Variants in ICA1L observed in about 807,000 individuals in gnomAD.
ICA1L encodes islet cell autoantigen 1-like protein.
A neutral mutation model predicts 61.3 loss-of-function variants in ICA1L; 50 were observed. The observed-to-expected ratio is 0.82, with a 90% confidence interval of 0.65 to 1.03. The LOEUF (loss-of-function observed/expected upper bound fraction) is 1.03. ICA1L is among the 50% of genes least tolerant of loss of function. The pLI is 0.00. For synonymous variants in ICA1L, 161 were observed against 191.3 expected, an observed-to-expected ratio of 0.84 and a Z score of 1.31; for missense variants, 508 against 556.7, an observed-to-expected ratio of 0.91 and a Z score of 0.88.
At chr2:202,850,464 AAC>A in intron 1 of ICA1L, among the ~76,000 whole-genome samples, 1 of 152,324 alleles carries the variant, frequency 6.6e-6, no homozygotes, top group East Asian at 1.9e-4. Flanking sequence ...GGAGCTGAAA[AAC>A]ACAGCAAGAG....
chr2:202,786,155 A>G (rs530309476), intron 11 of ICA1L, 148 bp from the exon 12 acceptor site: 5 of 514,216 alleles, frequency 9.7e-6, no homozygotes, highest in African/African-American at 7.8e-5. Context: ...AAATTTATCT[A>G]TAGTCATATA....
intron 10 of ICA1L, 27 bp from the exon 11 acceptor site, chr2:202,789,114 G>A: frequency 6.4e-7 from 1 of 1,570,098 alleles, no homozygotes; most frequent in Non-Finnish European, 8.6e-7. Context: ...AAAACAGAAA[G>A]GCTTTTTTGA....
At chr2:202,848,471 G>A (rs1229260368) in intron 1 of ICA1L, among the ~76,000 whole-genome samples, 1 of 152,164 alleles carries the variant, frequency 6.6e-6, no homozygotes, top group Non-Finnish European at 1.5e-5. Context: ...TCAATTCAGA[G>A]ATCTGAGCTG....
intron 1 of ICA1L, among the ~76,000 whole-genome samples, chr2:202,859,484 A>G (rs946532634): frequency 6.6e-6 from 1 of 152,234 alleles, no homozygotes; most frequent in African/African-American, 2.4e-5. Context: ...TCTGGGTGCT[A>G]TGATTGGCAC....
chr2:202,812,563 C>T (rs1046475699), intron 8 of ICA1L, among the ~76,000 whole-genome samples: 2 of 151,026 alleles, frequency 1.3e-5, no homozygotes, highest in Admixed American at 1.3e-4. Flanking sequence ...GGTGACAGGG[C>T]AAGACTCCGT....
rs778355110 is a variant in ICA1L at position 202,862,272 on chromosome 2, CA to C, written c.-8+9346del. Among the ~76,000 whole-genome samples, 561 of 62,952 alleles carry C rather than the reference CA, an allele frequency of 8.9e-3. 70 individuals are homozygous for C. The highest frequency in any genetic ancestry group is 0.044 in the African/African-American group (526 of 12,046). 41.3% of individuals were successfully genotyped at this position (62,952 alleles called of 152,430 possible). On this transcript the variant is annotated intron_variant, in intron 1 of 12. Transcript: ENST00000358299. ...GCAACACAGTAAGACCTCATTTCTA[CA>C]AAAAAAAAAAAAAAAAAAAAAAAAA...
intron 1 of ICA1L, chr2:202,840,794 G>C (rs1397383896): frequency 1.2e-5 from 7 of 602,906 alleles, no homozygotes; most frequent in South Asian, 1.1e-4. Flanking sequence ...AGCCTCCAGG[G>C]AAACTCTCTG....
In ICA1L at chr2:202,871,727, G is replaced by GCAGCCAGTGCCCCTCCGC. The variant is rs1687740556; in HGVS notation, c.-134_-117dup. ...CCCCGCGCCGACTCCCGGCCCTCCG[G>GCAGCCAGTGCCCCTCCGC]CAGCCAGTGCCCCTCCGCACCAGTG... On this transcript the variant is annotated 5_prime_UTR_variant, in exon 1 of 13. Transcript: ENST00000358299. The GCAGCCAGTGCCCCTCCGC allele has an allele frequency of 6.6e-6, 1 of 152,622 alleles. No homozygotes were observed. Among genetic ancestry groups the GCAGCCAGTGCCCCTCCGC allele is most frequent in the African/African-American group, 2.4e-5 (1 of 41,458 alleles). 9.5% of individuals were successfully genotyped at this position (152,622 alleles called of 1,614,324 possible). A position where few individuals can be genotyped will look rare whatever the true frequency, so the allele number is the denominator to read the frequency against.
rs1483558179 is a variant in ICA1L at position 202,774,007 on chromosome 2, A to G, written c.*5526T>C. 1.7e-5 allele frequency: 15 copies of G among 891,810 alleles called. No homozygotes were observed. Among genetic ancestry groups the G allele is most frequent in the Non-Finnish European group, 2.6e-5 (15 of 579,606 alleles). The allele number at this position is 891,810 out of a possible 1,614,324, so 55.2% of individuals were successfully genotyped here. ...GGTACTAAGAAGAGTTGGCTGTTTTATTTTTTTAAATTATGAACTAGCGCT... is the reference window on the plus strand; with the variant it reads ...GGTACTAAGAAGAGTTGGCTGTTTTGTTTTTTTAAATTATGAACTAGCGCT... On this transcript the variant is annotated 3_prime_UTR_variant, in exon 13 of 13. Transcript: ENST00000358299.
At chr2:202,789,153 A>G (rs1220402096) in intron 10 of ICA1L, 66 bp from the exon 11 acceptor site, 1 of 1,292,220 alleles carries the variant, frequency 7.7e-7, no homozygotes, top group Non-Finnish European at 1.1e-6. Flanking sequence ...AGACCATAGG[A>G]TGAATCAAAT....
chr2:202,819,768 A>G lies in ICA1L; in HGVS notation c.491T>C (p.Leu164Pro), dbSNP rs752099498. The G allele has an allele frequency of 1.2e-6, 2 of 1,614,128 alleles. No homozygotes were observed. Among genetic ancestry groups the G allele is most frequent in the Non-Finnish European group, 1.7e-6 (2 of 1,179,986 alleles). Residue 164 changes from leucine to proline, a missense_variant, in exon 5 of 13, where the codon CTG becomes CCG. Coordinates refer to ENST00000358299, the MANE Select transcript of ICA1L (RefSeq NM_001288622.3). ...CTCTTGGGATACATCTTTCATCCAC[A>G]GTAGAGCTCCTCTGTATTCTGTGCG... is the stretch of plus-strand genomic sequence containing the variant. ...QARTEYRGAL[L>P]WMKDVSQELD...
At chr2:202,779,830 G>C (rs1476403257) in intron 12 of ICA1L, among the ~76,000 whole-genome samples, 182 bp from the exon 13 acceptor site, 3 of 141,256 alleles carry the variant, frequency 2.1e-5, no homozygotes, top group Non-Finnish European at 4.6e-5. Context: ...TTTCGGTAGA[G>C]ACTGGGGTTT....
At chr2:202,861,098 C>T (rs945173976) in intron 1 of ICA1L, among the ~76,000 whole-genome samples, 25 of 151,890 alleles carry the variant, frequency 1.6e-4, no homozygotes, top group Admixed American at 9.2e-4. Flanking sequence ...GGTGTGGTGG[C>T]GGGTGCCTGT....
chr2:202,848,927 A>G (rs1400448411), intron 1 of ICA1L, among the ~76,000 whole-genome samples: 1 of 152,056 alleles, frequency 6.6e-6, no homozygotes, highest in African/African-American at 2.4e-5. Context: ...TGCATTGCCA[A>G]CTGAGGTACC....
chr2:202,845,470 T>C (rs181477394), intron 1 of ICA1L, among the ~76,000 whole-genome samples: 37 of 152,030 alleles, frequency 2.4e-4, no homozygotes, highest in African/African-American at 7.7e-4. Flanking sequence ...CTACTAAAAA[T>C]ATACAAATAA....
At chr2:202,854,441 G>C (rs1408193152) in intron 1 of ICA1L, among the ~76,000 whole-genome samples, 2 of 151,938 alleles carry the variant, frequency 1.3e-5, no homozygotes, top group Non-Finnish European at 1.5e-5. Context: ...ACAATAATAG[G>C]GGGAGACTTT....
chr2:202,851,332 G>A (rs1395238295), intron 1 of ICA1L, among the ~76,000 whole-genome samples: 1 of 152,160 alleles, frequency 6.6e-6, no homozygotes, highest in Non-Finnish European at 1.5e-5. Flanking sequence ...CCCTATAAAG[G>A]ACATGAACTC....
intron 10 of ICA1L, among the ~76,000 whole-genome samples, chr2:202,790,662 A>G (rs1191045834): frequency 6.6e-6 from 1 of 152,148 alleles, no homozygotes; most frequent in Admixed American, 6.5e-5. Context: ...AGAGGCTCCC[A>G]TCTCCTCCCC....
rs1692256666 is a variant in ICA1L, at chr2:202,777,356, G to C, written c.*2177C>G. ...GCGTGAGCCACCATGCCCAGCCAAAGTTTTAGCATTTTTTGAGGCACTCAA... is the reference window on the plus strand; with the variant it reads ...GCGTGAGCCACCATGCCCAGCCAAACTTTTAGCATTTTTTGAGGCACTCAA... On this transcript the variant is annotated 3_prime_UTR_variant, in exon 13 of 13. Coordinates refer to ENST00000358299, the MANE Select transcript of ICA1L (RefSeq NM_001288622.3). 1 of 152,010 alleles carries C rather than the reference G, an allele frequency of 6.6e-6. No individual in the cohort carries two copies. The highest frequency in any genetic ancestry group is 1.5e-5 in the Non-Finnish European group (1 of 68,014). The allele number at this position is 152,010 out of a possible 1,614,324, so 9.4% of individuals were successfully genotyped here.
Sources: gnomAD v4.1 joint callset for allele counts (sites outside exome capture counted in the v4.1 genomes callset) on GRCh38, gnomAD v4.1.1 for gene constraint, MANE v1.5 for transcripts, NCBI Gene and HGNC (gene_info 2026-07-23, HGNC 2026-07-21) for gene names.